Variants in AP3B2 observed in about 807,000 individuals in gnomAD.
AP3B2 encodes adaptor related protein complex 3 subunit beta 2.
A neutral mutation model predicts 126.9 loss-of-function variants in AP3B2; 50 were observed. The observed-to-expected ratio is 0.39, with a 90% CI of 0.31 to 0.50. AP3B2 has a LOEUF of 0.50. Among genes scored for constraint, AP3B2 ranks in the 20% least tolerant of loss-of-function variants. The probability of loss-of-function intolerance (pLI) is 0.79; values close to 1 mark genes in which losing one functional copy is unlikely to be tolerated. For synonymous variants in AP3B2, 541 were observed against 565.0 expected, an observed-to-expected ratio of 0.96 and a Z score of 0.60; for missense variants, 1,177 against 1,426.4, an observed-to-expected ratio of 0.83 and a Z score of 2.82.
At position 82,664,563 on chromosome 15, in the gene AP3B2, C is replaced by G. The variant is rs1268401605; in HGVS notation, c.2138-73G>C. On this transcript the variant is annotated intron_variant, in intron 18 of 26. Transcript: ENST00000535359. This position sits in a 1 kb window ranked among gnomAD's most constrained non-coding sequence, Gnocchi z 4.5. ...TGGGTCTGGAGCAGACACCTGGGTTCCACCTTCACATTCAGTACTGAACCC... is the reference window on the plus strand; with the variant it reads ...TGGGTCTGGAGCAGACACCTGGGTTGCACCTTCACATTCAGTACTGAACCC... 6.5e-7 allele frequency: 1 copy of G among 1,545,406 alleles called. No individual in the cohort carries two copies. The highest frequency in any genetic ancestry group is 8.7e-7 in the Non-Finnish European group (1 of 1,145,238).
Position 82,661,884 on chromosome 15 carries a change from G to C in AP3B2, c.2957C>G (p.Pro986Arg), listed in dbSNP as rs2151426949. ...TRQFYVSIQP[P>R]VGELMAPVFM... ...CACAGGGGCCATCAGCTCCCCAACA[G>C]GTGGCTGAATGGAGACGTAGAACTG... The change falls in exon 25 of 27, where the codon CCT becomes CGT. Residue 986 changes from proline (P) to arginine (R), a missense_variant. Pro to Arg is a moderately radical substitution (Grantham distance 103, BLOSUM62 -2). Coordinates refer to ENST00000535359, the MANE Select transcript of AP3B2 (RefSeq NM_001278512.2). The C allele has an allele frequency of 6.2e-7, 1 of 1,613,896 alleles. No individual in the cohort carries two copies.
In AP3B2 at chr15:82,709,750, G is replaced by C; in HGVS notation, c.-44C>G. ...TCGCCGAGGAGGAGGTTGCGGGGCC[G>C]GAGGCCGGCTGGAGCGGAGGAAGGG... On this transcript the variant is annotated 5_prime_UTR_variant, in exon 1 of 27. Transcript: ENST00000535359. 7.1e-7 allele frequency: 1 copy of C among 1,411,408 alleles called. No individual in the cohort carries two copies. The highest frequency in any genetic ancestry group is 9.3e-7 in the Non-Finnish European group (1 of 1,071,692). 87.4% of individuals were successfully genotyped at this position (1,411,408 alleles called of 1,614,324 possible).
chr15:82,662,886 G>C lies in AP3B2; in HGVS notation c.2641C>G (p.Leu881Val). 6.2e-7 allele frequency: 1 copy of C among 1,613,496 alleles called. No individual in the cohort carries two copies. The highest frequency in any genetic ancestry group is 1.3e-5 in the African/African-American group (1 of 75,030). ...SPVSGVGRQE[L>V]LHRVAGEGLA... ...CCCTCGCCAGCTACCCGGTGCAGCA[G>C]CTCCTGCCGCCCAACACCCGATACT... The change falls in exon 23 of 27, where the codon CTG becomes GTG. Residue 881 changes from leucine to valine, a missense_variant. Leu to Val is a conservative substitution (Grantham distance 32). Transcript: ENST00000535359.
Position 82,704,961 on chromosome 15 carries a change from CT to C in AP3B2, c.113+4632del, listed in dbSNP as rs1244163614. ...CTCTGAGGCCAACTTGGACAATACT[CT>C]TTTATGCACTCCTTTTCAGTTATCC... On this transcript the variant is annotated intron_variant, in intron 1 of 26. Transcript: ENST00000535359. Among the ~76,000 whole-genome samples the C allele has an allele frequency of 5.9e-5, 9 of 152,304 alleles. No homozygotes were observed. In the South Asian group the frequency reaches 8.3e-4, roughly 14 times the overall value.
chr15:82,692,379 T>C, intron 1 of AP3B2: 1 of 491,182 alleles, frequency 2.0e-6, no homozygotes. Context: ...CAACGCCCCC[T>C]CCCCGCAATC....
chr15:82,675,259 G>A (rs1343881390), intron 14 of AP3B2, among the ~76,000 whole-genome samples: 1 of 152,126 alleles, frequency 6.6e-6, no homozygotes, highest in Non-Finnish European at 1.5e-5. Context: ...GAAGACCTAA[G>A]GTTTGGAAGT....
rs2048050830 is a variant in AP3B2 at position 82,665,953 on chromosome 15, T to G, written c.1853-378A>C. Among the ~76,000 whole-genome samples, 2 of 151,868 alleles carry G rather than the reference T, an allele frequency of 1.3e-5. No individual in the cohort carries two copies. Among genetic ancestry groups the G allele is most frequent in the Admixed American group, 1.3e-4 (2 of 15,266 alleles). ...GAGTGTGTAGAAGTCTGGATCAGAG[T>G]TGAGGCACTGCTGGAGGAGGGCAGC... On this transcript the variant is annotated intron_variant, in intron 15 of 26. Coordinates refer to ENST00000535359, the MANE Select transcript of AP3B2 (RefSeq NM_001278512.2). The surrounding 1 kb of genome is among the most constrained non-coding windows in gnomAD (Gnocchi z 4.4).
intron 1 of AP3B2, among the ~76,000 whole-genome samples, chr15:82,702,814 A>G (rs4779052): frequency 0.77 from 117,426 of 152,106 alleles, 45,640 homozygotes; most frequent in African/African-American, 0.86. Context: ...CCACCCTTGG[A>G]AGATCAATCC....
In AP3B2 at chr15:82,659,523, T is replaced by A; in HGVS notation, c.*37A>T. On this transcript the variant is annotated 3_prime_UTR_variant, in exon 27 of 27. Coordinates refer to ENST00000535359, the MANE Select transcript of AP3B2 (RefSeq NM_001278512.2). ...TGACAGCCTAGGTGTCATGGGGAGG[T>A]ATAGATGGGAGCCAAACAGGTCACA... 1 of 1,607,614 alleles carries A rather than the reference T, an allele frequency of 6.2e-7. No individual in the cohort carries two copies. The highest frequency in any genetic ancestry group is 8.5e-7 in the Non-Finnish European group (1 of 1,176,158).
intron 1 of AP3B2, among the ~76,000 whole-genome samples, chr15:82,697,312 C>T (rs549495072): frequency 7.9e-5 from 12 of 151,684 alleles, no homozygotes; most frequent in Non-Finnish European, 1.5e-4. Context: ...CCAGCCTGGG[C>T]AACAGAACGA....
chr15:82,665,376 AACACACACACACACACAC>A lies in AP3B2; in HGVS notation c.1971+63_1972-74del, dbSNP rs60428596. On this transcript the variant is annotated intron_variant, in intron 16 of 26. Transcript: ENST00000535359. This position sits in a 1 kb window ranked among gnomAD's most constrained non-coding sequence, Gnocchi z 4.4. Reference sequence around the variant, plus strand: ...GGGCTCCCTACTGTCTGCCCCCACCAACACACACACACACACACACACACACACACACACACACACACA... The same window carrying A: ...GGGCTCCCTACTGTCTGCCCCCACCAACACACACACACACACACACACACA... The A allele has an allele frequency of 0.011, 13,951 of 1,256,258 alleles. 260 individuals are homozygous for A. The highest frequency in any genetic ancestry group is 0.053 in the African/African-American group (3,084 of 57,988). The allele number at this position is 1,256,258 out of a possible 1,614,324, so 77.8% of individuals were successfully genotyped here.
chr15:82,667,348 AAT>A (rs1320200784), intron 14 of AP3B2, among the ~76,000 whole-genome samples: 2 of 152,228 alleles, frequency 1.3e-5, no homozygotes, highest in South Asian at 4.2e-4. Flanking sequence ...ACCCAGGGGG[AAT>A]TAGACAACAA....
chr15:82,677,648 T>C, intron 12 of AP3B2, 23 bp downstream of exon 12: 3 of 1,510,632 alleles, frequency 2.0e-6, no homozygotes, highest in African/African-American at 1.4e-5. Context: ...TCATCACGGT[T>C]AGACACTCAG....
At chr15:82,698,183 G>A (rs2048659722) in intron 1 of AP3B2, among the ~76,000 whole-genome samples, 1 of 151,694 alleles carries the variant, frequency 6.6e-6, no homozygotes, top group Non-Finnish European at 1.5e-5. Flanking sequence ...GCAGACACTA[G>A]TAGAATCCAT....
intron 14 of AP3B2, among the ~76,000 whole-genome samples, chr15:82,670,298 CAG>C (rs1455774753): frequency 6.6e-6 from 1 of 151,950 alleles, no homozygotes; most frequent in Non-Finnish European, 1.5e-5. Flanking sequence ...TTAGTAGAGA[CAG>C]GGTTTCGCCA....
chr15:82,688,943 C>A, intron 3 of AP3B2, 112 bp from the exon 4 acceptor site: 1 of 1,129,086 alleles, frequency 8.9e-7, no homozygotes, highest in Non-Finnish European at 1.3e-6. Flanking sequence ...GGGACAAACT[C>A]TCCCAGTGGG....
At chr15:82,692,612 G>A (rs2048559764) in intron 1 of AP3B2, 1 of 160,870 alleles carries the variant, frequency 6.2e-6, no homozygotes, top group Non-Finnish European at 1.3e-5. Context: ...AGAGGTAGAT[G>A]CCAAAACAAG....
chr15:82,683,047 G>GATTTTTTTT (rs2048368127), intron 4 of AP3B2, among the ~76,000 whole-genome samples: 1 of 77,716 alleles, frequency 1.3e-5, no homozygotes, highest in Non-Finnish European at 2.5e-5. Context: ...TGCACCAGGA[G>GATTTTTTTT]TTTTTTTTTT....
chr15:82,698,242 G>C (rs2048660512), intron 1 of AP3B2, among the ~76,000 whole-genome samples: 1 of 151,466 alleles, frequency 6.6e-6, no homozygotes, highest in African/African-American at 2.4e-5. Context: ...AACGCCCAGA[G>C]AAACACACTC....
Sources: allele counts gnomAD v4.1 joint callset (sites outside exome capture counted in the v4.1 genomes callset), GRCh38; gene constraint gnomAD v4.1.1; non-coding constraint Gnocchi (gnomAD v3.1); transcripts MANE v1.5; gene names NCBI Gene and HGNC (gene_info 2026-07-23, HGNC 2026-07-21).